Variants in DCAF7 observed in about 807,000 individuals in gnomAD.
The protein encoded by DCAF7 is DDB1 and CUL4 associated factor 7, also known as DDB1- and CUL4-associated factor 7.
In DCAF7, 4 loss-of-function variants were observed where a neutral mutation model predicts 41.2. The observed-to-expected ratio is 0.10, with a 90% CI of 0.05 to 0.22. DCAF7 has a LOEUF of 0.22. Ranked by LOEUF, DCAF7 falls within the 10% of genes least tolerant of loss-of-function variation. The pLI, the probability that DCAF7 is intolerant of heterozygous loss-of-function variation, is 1.00. For missense variants in DCAF7, 131 were observed against 443.2 expected (o/e 0.30, Z 6.32); for synonymous variants, 143 against 164.2 (o/e 0.87, Z 0.99).
chr17:63,582,721 A>G (rs1031237632), intron 4 of DCAF7, among the ~76,000 whole-genome samples: 6 of 152,058 alleles, frequency 3.9e-5, no homozygotes, highest in Non-Finnish European at 4.4e-5. Context: ...CGCCCGCCTC[A>G]GCCTCCCAAA....
At chr17:63,586,758 C>G (rs1201687203) in intron 6 of DCAF7, among the ~76,000 whole-genome samples, 1 of 148,224 alleles carries the variant, frequency 6.7e-6, no homozygotes, top group Non-Finnish European at 1.5e-5. Context: ...GAGACCCCGT[C>G]TCAAAAAAAA....
intron 1 of DCAF7, among the ~76,000 whole-genome samples, chr17:63,563,151 C>G (rs566005961): frequency 6.6e-6 from 1 of 152,062 alleles, no homozygotes; most frequent in Non-Finnish European, 1.5e-5. Flanking sequence ...CAAAACATGA[C>G]AGACAATAGT....
chr17:63,554,417 C>A (rs1354178348), intron 1 of DCAF7, among the ~76,000 whole-genome samples: 1 of 152,266 alleles, frequency 6.6e-6, no homozygotes, highest in African/African-American at 2.4e-5. Flanking sequence ...GTCCAGATGG[C>A]ACTCTCAGAA....
chr17:63,579,461 G>C lies in DCAF7; in HGVS notation c.409+13G>C. The C allele has an allele frequency of 6.3e-7, 1 of 1,574,856 alleles. No individual in the cohort carries two copies. Among genetic ancestry groups the C allele is most frequent in the Non-Finnish European group, 8.7e-7 (1 of 1,154,252 alleles). On this transcript the variant is annotated intron_variant, in intron 3 of 6. Transcript: ENST00000614556. ...CCTTATCTTTTAGGTAAGGGAGTTAGGGAGTATGTATTTCAGCTGGAAGAA... is the reference window on the plus strand; with the variant it reads ...CCTTATCTTTTAGGTAAGGGAGTTACGGAGTATGTATTTCAGCTGGAAGAA...
At chr17:63,584,831 G>A (rs1231088524) in intron 5 of DCAF7, among the ~76,000 whole-genome samples, 1 of 152,198 alleles carries the variant, frequency 6.6e-6, no homozygotes, top group Non-Finnish European at 1.5e-5. Flanking sequence ...TGTGGGTGGG[G>A]AGAATGCATT....
intron 1 of DCAF7, among the ~76,000 whole-genome samples, chr17:63,575,791 A>G (rs906467316): frequency 6.6e-6 from 1 of 152,248 alleles, no homozygotes; most frequent in African/African-American, 2.4e-5. Context: ...CAGACTGCTC[A>G]ATAGATTCAA....
chr17:63,552,655 A>G (rs887255488), intron 1 of DCAF7: 8 of 152,202 alleles, frequency 5.3e-5, no homozygotes, highest in Non-Finnish European at 1.2e-4. Context: ...TACACAAATT[A>G]ATGTTTTTTC....
chr17:63,567,896 C>T (rs958111099), intron 1 of DCAF7, among the ~76,000 whole-genome samples: 13 of 152,052 alleles, frequency 8.5e-5, no homozygotes, highest in Non-Finnish European at 1.5e-4. Context: ...TCCTCTTGGG[C>T]TCAAGTAATC....
At chr17:63,557,653 A>G (rs2033324803) in intron 1 of DCAF7, among the ~76,000 whole-genome samples, 1 of 152,236 alleles carries the variant, frequency 6.6e-6, no homozygotes, top group East Asian at 1.9e-4. Context: ...TGACGTAAGT[A>G]TAATTGGTGT....
At chr17:63,553,537 C>T (rs749956235) in intron 1 of DCAF7, among the ~76,000 whole-genome samples, 68 of 152,148 alleles carry the variant, frequency 4.5e-4, no homozygotes, top group Non-Finnish European at 7.1e-4. Flanking sequence ...AGGTGGTCGA[C>T]TTCATAATTT....
At chr17:63,576,876 T>C (rs1236771003) in intron 1 of DCAF7, among the ~76,000 whole-genome samples, 2 of 152,228 alleles carry the variant, frequency 1.3e-5, no homozygotes, top group Non-Finnish European at 2.9e-5. Context: ...ATTGCACCAC[T>C]GCACTCGAAC....
chr17:63,573,957 C>T (rs971811438), intron 1 of DCAF7, among the ~76,000 whole-genome samples: 1 of 152,098 alleles, frequency 6.6e-6, no homozygotes, highest in African/African-American at 2.4e-5. Context: ...CCTCAGAGGC[C>T]TTGTAATCAT....
intron 6 of DCAF7, 28 bp from the exon 7 acceptor site, chr17:63,588,972 C>T (rs2147780222): frequency 1.3e-6 from 2 of 1,591,056 alleles, no homozygotes; most frequent in Non-Finnish European, 1.7e-6. Context: ...CACTTGTGAC[C>T]TTGCTTGCTG....
intron 1 of DCAF7, among the ~76,000 whole-genome samples, chr17:63,561,324 T>C (rs2033378248): frequency 6.6e-6 from 1 of 152,108 alleles, no homozygotes; most frequent in Admixed American, 6.6e-5. Flanking sequence ...TCTTTACATA[T>C]CTAAGAGTAT....
intron 6 of DCAF7, 96 bp from the exon 7 acceptor site, chr17:63,588,904 G>T: frequency 2.3e-6 from 3 of 1,320,660 alleles, no homozygotes; most frequent in Non-Finnish European, 3.1e-6. Context: ...CCATCACGGG[G>T]GTGCTTTGTA....
chr17:63,555,014 T>C (rs2033296168), intron 1 of DCAF7, among the ~76,000 whole-genome samples: 1 of 152,260 alleles, frequency 6.6e-6, no homozygotes, highest in Non-Finnish European at 1.5e-5. Context: ...TGTAATTTTC[T>C]AGTTTAAATC....
At chr17:63,570,064 A>G (rs994313637) in intron 1 of DCAF7, among the ~76,000 whole-genome samples, 2 of 152,172 alleles carry the variant, frequency 1.3e-5, no homozygotes, top group Non-Finnish European at 1.5e-5. Flanking sequence ...AGCACCAGCT[A>G]TGTCAAGTGT....
Position 63,585,269 on chromosome 17 carries a change from G to C in DCAF7, c.797G>C (p.Arg266Pro), listed in dbSNP as rs1401522873. Residue 266 changes from arginine to proline, a missense_variant, in exon 6 of 7, where the codon CGA becomes CCA. Physicochemically the swap from Arg to Pro is moderately radical, Grantham distance 103. Coordinates refer to ENST00000614556, the MANE Select transcript of DCAF7 (RefSeq NM_005828.5). ...CCTGTCGCCAGGTTAAACAACCATC[G>C]AGCATGTGTCAATGGCATTGCTTGG... is the stretch of plus-strand genomic sequence containing the variant. ...CTPVARLNNH[R>P]ACVNGIAWAP... is the part of the protein sequence containing the mutation. The C allele has an allele frequency of 6.2e-7, 1 of 1,613,832 alleles. No individual in the cohort carries two copies. The highest frequency in any genetic ancestry group is 8.5e-7 in the Non-Finnish European group (1 of 1,179,900).
Position 63,582,141 on chromosome 17 carries a change from G to A in DCAF7, c.529-1361G>A, listed in dbSNP as rs549414852. Among the ~76,000 whole-genome samples, 5 of 152,310 alleles carry A rather than the reference G, an allele frequency of 3.3e-5. 1 individual carries two copies. The highest frequency in any genetic ancestry group is 1.2e-4 in the African/African-American group (5 of 41,572). On this transcript the variant is annotated intron_variant, in intron 4 of 6. Coordinates refer to ENST00000614556, the MANE Select transcript of DCAF7 (RefSeq NM_005828.5). ...GAGAAAGCCTCGATCTGTCAGGCAC[G>A]TCAGGCCTGAGTGCCTCCTTGTTGA...
Sources: allele counts gnomAD v4.1 joint callset (sites outside exome capture counted in the v4.1 genomes callset), GRCh38; gene constraint gnomAD v4.1.1; transcripts MANE v1.5; gene names NCBI Gene and HGNC (gene_info 2026-07-23, HGNC 2026-07-21).